The following AGRN variants were observed in gnomAD, a reference collection of about 807,000 sequenced individuals.
AGRN encodes the protein agrin proteoglycan.
Under a neutral mutation model 211.0 loss-of-function variants are expected in AGRN, and 106 were observed. The observed-to-expected ratio is 0.50, with a 90% CI of 0.43 to 0.59. The LOEUF is 0.59. Ranked by LOEUF, AGRN falls within the 20% of genes least tolerant of loss-of-function variation. The pLI is 0.00. For missense variants in AGRN, 3,040 were observed against 2,982.6 expected, an observed-to-expected ratio of 1.02 and a Z score of -0.45; for synonymous variants, 1,525 against 1,332.5, an observed-to-expected ratio of 1.14 and a Z score of -3.15.
chr1:1,049,187 G>T (rs1381992355), intron 24 of AGRN, 49 bp from the exon 25 acceptor site: 4 of 1,465,682 alleles, frequency 2.7e-6, no homozygotes, highest in Admixed American at 2.2e-5. Flanking sequence ...GGTAGGCGGG[G>T]TGGGGACGGG....
chr1:1,026,712 G>A (rs1570144386), intron 2 of AGRN, among the ~76,000 whole-genome samples: 1 of 152,172 alleles, frequency 6.6e-6, no homozygotes, highest in Non-Finnish European at 1.5e-5. Context: ...GCGGGGCTGG[G>A]GCTGCAGACG....
intron 34 of AGRN, 28 bp from the exon 35 acceptor site, chr1:1,054,420 G>T: frequency 6.4e-7 from 1 of 1,550,656 alleles, no homozygotes; most frequent in South Asian, 1.2e-5. Flanking sequence ...TCTGGGCCCT[G>T]ATGGTCTCCC....
chr1:1,051,083 T>A, intron 30 of AGRN, 170 bp from the exon 31 acceptor site: 1 of 1,533,396 alleles, frequency 6.5e-7, no homozygotes, highest in Non-Finnish European at 8.8e-7. Flanking sequence ...CTCTGGCGCC[T>A]CAACCCCTAG....
At chr1:1,035,841 G>C (rs1644791883) in intron 3 of AGRN, among the ~76,000 whole-genome samples, 1 of 151,988 alleles carries the variant, frequency 6.6e-6, no homozygotes, top group Non-Finnish European at 1.5e-5. Context: ...CTGTCATGGG[G>C]GGACACAAGT....
At chr1:1,052,444 CTA>C (rs757141602) in intron 33 of AGRN, 15 of 288,162 alleles carry the variant, frequency 5.2e-5, no homozygotes, top group Non-Finnish European at 1.0e-4. Context: ...GCGTGTGTGA[CTA>C]TGCGGCCGTG....
Position 1,043,859 on chromosome 1 carries a change from T to C in AGRN, c.1835T>C (p.Val612Ala), listed in dbSNP as rs1645015940. ...CGDAVCAFGA[V>A]CSAGQCVCPR... Reference sequence around the variant, plus strand: ...GATGCCGTGTGTGCTTTTGGGGCTGTGTGCTCCGCAGGGCAGTGTGTGTGT... The same window carrying C: ...GATGCCGTGTGTGCTTTTGGGGCTGCGTGCTCCGCAGGGCAGTGTGTGTGT... Residue 612 changes from valine (V) to alanine (A), a missense_variant, in exon 10 of 36, where the codon GTG becomes GCG. Coordinates refer to ENST00000379370, the MANE Select transcript of AGRN (RefSeq NM_198576.4). The C allele has an allele frequency of 1.2e-6, 2 of 1,611,276 alleles. No homozygotes were observed. The highest frequency in any genetic ancestry group is 1.7e-5 in the Admixed American group (1 of 59,966).
chr1:1,023,996 T>C (rs532370489), intron 2 of AGRN, among the ~76,000 whole-genome samples: 179 of 152,026 alleles, frequency 1.2e-3, no homozygotes, highest in African/African-American at 4.1e-3. Flanking sequence ...CCGGACCCCC[T>C]GGGGTGGGGC....
chr1:1,043,069 C>T (rs1014929635), intron 7 of AGRN, among the ~76,000 whole-genome samples, 170 bp from the exon 8 acceptor site: 2 of 152,130 alleles, frequency 1.3e-5, no homozygotes, highest in South Asian at 2.1e-4. Context: ...GCCTCTGCCG[C>T]GTGTCTGTCC....
chr1:1,025,886 C>T (rs1401995115), intron 2 of AGRN, among the ~76,000 whole-genome samples: 1 of 152,138 alleles, frequency 6.6e-6, no homozygotes, highest in Non-Finnish European at 1.5e-5. Flanking sequence ...ATCCCAACCC[C>T]GGGGCTCCTG....
rs115499153 is a variant in AGRN, at chr1:1,048,822, A to C, written c.4106-45A>C. On this transcript the variant is annotated intron_variant, in intron 23 of 35. Coordinates refer to ENST00000379370, the MANE Select transcript of AGRN (RefSeq NM_198576.4). This position sits in a 1 kb window ranked among gnomAD's most constrained non-coding sequence, Gnocchi z 5.9. ...GCGGTTTCAGGGATAAAAGTGGGGAATCCTCGGAGCTTTTCCAGCCGGCCC... is the reference window on the plus strand; with the variant it reads ...GCGGTTTCAGGGATAAAAGTGGGGACTCCTCGGAGCTTTTCCAGCCGGCCC... 6.7e-6 allele frequency: 10 copies of C among 1,487,958 alleles called. No homozygotes were observed. In the African/African-American group the frequency reaches 1.0e-4, roughly 15 times the overall value. 92.2% of individuals were successfully genotyped at this position (1,487,958 alleles called of 1,614,324 possible). A position where few individuals can be genotyped will look rare whatever the true frequency, so the allele number is the denominator to read the frequency against.
At chr1:1,029,445 G>GGACAGC (rs1644602092) in intron 2 of AGRN, among the ~76,000 whole-genome samples, 2 of 148,884 alleles carry the variant, frequency 1.3e-5, no homozygotes, top group Non-Finnish European at 1.5e-5. Flanking sequence ...CAGGTAGGGG[G>GGACAGC]AGGGGGACAT....
chr1:1,048,827 C>A lies in AGRN; in HGVS notation c.4106-40C>A. The A allele has an allele frequency of 6.6e-7, 1 of 1,508,958 alleles. No individual in the cohort carries two copies. The allele number at this position is 1,508,958 out of a possible 1,614,324, so 93.5% of individuals were successfully genotyped here. The stretch of plus-strand genomic sequence containing the variant: ...TTCAGGGATAAAAGTGGGGAATCCT[C>A]GGAGCTTTTCCAGCCGGCCCTCCCG... On this transcript the variant is annotated intron_variant, in intron 23 of 35. Transcript: ENST00000379370. The surrounding 1 kb of genome is among the most constrained non-coding windows in gnomAD (Gnocchi z 5.9).
Position 1,040,670 on chromosome 1 carries a change from C to A in AGRN, c.517C>A (p.Arg173=). The part of the protein sequence containing the change: ...PVPPTPPDAC[R]GMLCGFGAVC... Reference sequence around the variant, plus strand: ...TTCTCCCCTACCCGCCCCAGCGTGCCGGGGAATGCTGTGCGGCTTCGGCGC... The same window carrying A: ...TTCTCCCCTACCCGCCCCAGCGTGCAGGGGAATGCTGTGCGGCTTCGGCGC... The change falls in exon 4 of 36, where the codon CGG becomes AGG. Residue 173 remains arginine (R), a synonymous_variant. Transcript: ENST00000379370. 6.5e-7 allele frequency: 1 copy of A among 1,547,338 alleles called. No individual in the cohort carries two copies. The highest frequency in any genetic ancestry group is 8.7e-7 in the Non-Finnish European group (1 of 1,146,312).
rs752212460 is a variant in AGRN, at chr1:1,046,486, C to A, written c.3001C>A (p.Pro1001Thr). 3.4e-5 allele frequency: 55 copies of A among 1,610,652 alleles called. No individual in the cohort carries two copies. Among genetic ancestry groups the A allele is most frequent in the Middle Eastern group, 3.3e-4 (2 of 6,080 alleles). ...CCTGAGCCAGGCACTGCCGGCCCCC[C>A]CCGGCGCCCTCCCCCTGGCTCCCAG... ...LLLSQALPAP[P>T]GALPLAPSST... is the part of the protein sequence containing the mutation. Residue 1001 changes from proline to threonine, a missense_variant, in exon 18 of 36, where the codon CCC (proline) becomes ACC (threonine). Transcript: ENST00000379370.
chr1:1,050,382 G>C, intron 28 of AGRN, 45 bp from the exon 29 acceptor site: 1 of 1,612,784 alleles, frequency 6.2e-7, no homozygotes, highest in Non-Finnish European at 8.5e-7. Context: ...CGTCTCTCCT[G>C]TGGGGAGGGG....
In AGRN at chr1:1,051,525, G is replaced by A; in HGVS notation, c.5443G>A (p.Gly1815Ser). The change falls in exon 32 of 36, where the codon GGT becomes AGT. Residue 1815 changes from glycine (G) to serine (S), a missense_variant. By Grantham distance (56) the Gly-to-Ser change is moderately conservative (BLOSUM62 0). Around this residue, in one of 3 missense-constraint regions of AGRN, gnomAD observed 1,537 missense variants for 1,505.0 expected, o/e 1.02. Transcript: ENST00000379370. Reference protein sequence around the residue: ...LRQVDVTSFAGHPCTRASGHP... With the variant: ...LRQVDVTSFASHPCTRASGHP... Reference sequence around the variant, plus strand: ...GCAGGTGGACGTCACGTCCTTTGCAGGTCACCCCTGCACCCGGGCCTCAGG... The same window carrying A: ...GCAGGTGGACGTCACGTCCTTTGCAAGTCACCCCTGCACCCGGGCCTCAGG... The A allele has an allele frequency of 6.4e-7, 1 of 1,567,348 alleles. No individual in the cohort carries two copies. The highest frequency in any genetic ancestry group is 1.7e-4 in the Middle Eastern group (1 of 5,780).
intron 3 of AGRN, among the ~76,000 whole-genome samples, chr1:1,038,661 A>G (rs1644856446): frequency 6.6e-6 from 1 of 152,228 alleles, no homozygotes; most frequent in African/African-American, 2.4e-5. Flanking sequence ...AGAAAGGCTC[A>G]GGAGCCCTGG....
At chr1:1,028,003 T>G (rs1336188769) in intron 2 of AGRN, among the ~76,000 whole-genome samples, 1 of 152,058 alleles carries the variant, frequency 6.6e-6, no homozygotes, top group Non-Finnish European at 1.5e-5. Flanking sequence ...CTGTGCCCCC[T>G]TCTCTCCCCA....
At position 1,052,178 on chromosome 1, in the gene AGRN, G is replaced by A. The variant is rs1314497796; in HGVS notation, c.5651+363G>A. 5.7e-6 allele frequency: 5 copies of A among 878,130 alleles called. No homozygotes were observed. The East Asian group carries it at 2.8e-4, about 50-fold the overall frequency. 54.4% of individuals were successfully genotyped at this position (878,130 alleles called of 1,614,324 possible). Reference sequence around the variant, plus strand: ...CAAGAGGCCGTTTCCTGCCTCAGAAGTGCAGTCGCCCCTCCCAGGGCACAG... The same window carrying A: ...CAAGAGGCCGTTTCCTGCCTCAGAAATGCAGTCGCCCCTCCCAGGGCACAG... On this transcript the variant is annotated intron_variant, in intron 33 of 35. Transcript: ENST00000379370.
Sources: gnomAD v4.1 joint callset for allele counts (sites outside exome capture counted in the v4.1 genomes callset) on GRCh38, gnomAD v4.1.1 for gene constraint, gnomAD v4.1.1 regional missense constraint, Gnocchi (gnomAD v3.1) non-coding constraint, MANE v1.5 for transcripts, NCBI Gene and HGNC (gene_info 2026-07-23, HGNC 2026-07-21) for gene names.